RYR3: variants seen among roughly 807,000 people sequenced by gnomAD.
RYR3 encodes ryanodine receptor 3, also known as brain ryanodine receptor-calcium release channel.
In RYR3, 207 loss-of-function variants were observed where a neutral mutation model predicts 584.3. The ratio of observed to expected loss-of-function variants is 0.35; its 90% CI spans 0.32 to 0.40. The LOEUF (loss-of-function observed/expected upper bound fraction) is 0.40, where lower values mean the gene tolerates loss of function less well. Among genes scored for constraint, RYR3 ranks in the 10% least tolerant of loss-of-function variants. The probability of loss-of-function intolerance (pLI) is 1.00; values close to 1 mark genes in which losing one functional copy is unlikely to be tolerated. For missense variants in RYR3, 5,616 were observed against 6,089.2 expected (o/e 0.92, Z 2.59); for synonymous variants, 2,416 against 2,248.5 (o/e 1.07, Z -2.11).
At chr15:33,439,074 TTGTC>T (rs1465554115) in intron 1 of RYR3, among the ~76,000 whole-genome samples, 1 of 152,212 alleles carries the variant, frequency 6.6e-6, no homozygotes, top group Non-Finnish European at 1.5e-5. Flanking sequence ...TTTAATGTAG[TTGTC>T]TGGTTTCCTT....
At chr15:33,334,969 C>T (rs1249493156) in intron 1 of RYR3, among the ~76,000 whole-genome samples, 1 of 152,088 alleles carries the variant, frequency 6.6e-6, no homozygotes, top group East Asian at 1.9e-4. Context: ...AAATCAAAAC[C>T]ACAATGAGAT....
chr15:33,636,348 C>G, intron 26 of RYR3, 28 bp from the exon 27 acceptor site: 1 of 1,609,768 alleles, frequency 6.2e-7, no homozygotes, highest in Non-Finnish European at 8.5e-7. Context: ...GACTCCATTT[C>G]TCTAAGCCCT....
chr15:33,762,283 G>A (rs1288753178), intron 60 of RYR3, among the ~76,000 whole-genome samples: 1 of 152,130 alleles, frequency 6.6e-6, no homozygotes, highest in Non-Finnish European at 1.5e-5. Context: ...AAGAAATAAA[G>A]CGTATTCAAA....
chr15:33,540,823 G>A lies in RYR3; in HGVS notation c.579G>A (p.Val193=), dbSNP rs1424361728. The A allele has an allele frequency of 1.2e-6, 2 of 1,611,900 alleles. No individual in the cohort carries two copies. The highest frequency in any genetic ancestry group is 1.7e-5 in the Admixed American group (1 of 59,960). The part of the protein sequence containing the change: ...HLSVSNGNIQ[V]DASFMQTLWN... ...CAGTATCAAATGGTAACATACAAGT[G>A]GATGCCTCCTTTATGCAAACACTCT... The change falls in exon 7 of 104, where the codon GTG becomes GTA. Residue 193 remains valine (V), a synonymous_variant. Coordinates refer to ENST00000634891, the MANE Select transcript of RYR3 (RefSeq NM_001036.6).
At chr15:33,418,553 G>A (rs1567198146) in intron 1 of RYR3, among the ~76,000 whole-genome samples, 1 of 152,010 alleles carries the variant, frequency 6.6e-6, no homozygotes, top group African/African-American at 2.4e-5. Context: ...AGCAAGAGGA[G>A]GAAAGATGAC....
chr15:33,688,055 A>T (rs1411869753), intron 38 of RYR3, among the ~76,000 whole-genome samples: 1 of 152,172 alleles, frequency 6.6e-6, no homozygotes, highest in African/African-American at 2.4e-5. Flanking sequence ...AAGCCAAAAT[A>T]GACAAATGGG....
chr15:33,539,207 A>G, intron 5 of RYR3, 143 bp from the exon 6 acceptor site: 1 of 598,020 alleles, frequency 1.7e-6, no homozygotes, highest in Admixed American at 2.7e-5. Flanking sequence ...TGGAACGGTT[A>G]GAGACCAACA....
chr15:33,821,153 A>G (rs765678950), intron 78 of RYR3, 117 bp from the exon 79 acceptor site: 4 of 745,494 alleles, frequency 5.4e-6, no homozygotes, highest in Middle Eastern at 6.6e-4. Context: ...GCTTTATCCA[A>G]GTTGATGTGT....
intron 42 of RYR3, among the ~76,000 whole-genome samples, chr15:33,704,409 TGTTAGAAGTTGCTCCTCCAGGCTCTGTAG>T (rs2066536945): frequency 6.6e-6 from 1 of 151,556 alleles, no homozygotes. Flanking sequence ...CAGAGGGAAA[TGTTAGAAGTTGCTCCTCCAGGCTCTGTAG>T]GCCTGTGTTG....
At chr15:33,704,576 T>C (rs17236476) in intron 42 of RYR3, among the ~76,000 whole-genome samples, 8,165 of 152,256 alleles carry the variant, frequency 0.054, 299 homozygotes, top group Middle Eastern at 0.12. Context: ...TCAGCCAAAC[T>C]CTGTTATTCG....
Position 33,838,615 on chromosome 15 carries a change from GCA to G in RYR3, c.12638_12639del (p.Thr4213SerfsTer21), listed in dbSNP as rs1263391945. ...GGAGGAATCTTTCAGATCCTCTGGA[GCA>G]CAGTGTTTGGAGGGGGCCTGGTAGA... On this transcript the variant is annotated frameshift_variant, in exon 89 of 104. Transcript: ENST00000634891. LOFTEE classifies it high-confidence loss of function. The G allele has an allele frequency of 6.2e-7, 1 of 1,613,898 alleles. No homozygotes were observed. The highest frequency in any genetic ancestry group is 8.5e-7 in the Non-Finnish European group (1 of 1,179,854).
At chr15:33,763,892 C>CAAAAAAAAAAAAAAAAAAAAAAA (rs796878162) in intron 60 of RYR3, among the ~76,000 whole-genome samples, 1 of 45,870 alleles carries the variant, frequency 2.2e-5, no homozygotes, top group African/African-American at 9.0e-5. Context: ...GACTTCATCT[C>CAAAAAAAAAAAAAAAAAAAAAAA]AAAAAAAAAA....
At chr15:33,400,167 T>C (rs760286192) in intron 1 of RYR3, among the ~76,000 whole-genome samples, 10 of 152,186 alleles carry the variant, frequency 6.6e-5, no homozygotes, top group Admixed American at 1.3e-4. Flanking sequence ...CACTCAGCCT[T>C]ATATTTGTCA....
chr15:33,430,972 T>C (rs2045094576), intron 1 of RYR3, among the ~76,000 whole-genome samples: 1 of 152,188 alleles, frequency 6.6e-6, no homozygotes, highest in Non-Finnish European at 1.5e-5. Flanking sequence ...TAGGCCCATC[T>C]TACCTATTAC....
intron 1 of RYR3, among the ~76,000 whole-genome samples, chr15:33,385,938 C>A (rs1324937859): frequency 6.6e-6 from 1 of 152,040 alleles, no homozygotes; most frequent in Non-Finnish European, 1.5e-5. Context: ...CTCCTGTGCT[C>A]AAGTGATCCT....
In RYR3 at chr15:33,575,834, T is replaced by TTAAAA. The variant is rs1555535393; in HGVS notation, c.1269-4142_1269-4141insTAAAA. On this transcript the variant is annotated intron_variant, in intron 12 of 103. Coordinates refer to ENST00000634891, the MANE Select transcript of RYR3 (RefSeq NM_001036.6). ...CATCAACAAATACAGGAGCTGGTTTTAAAAAAAAAAAATTAATAAAATAGA... is the reference window on the plus strand; with the variant it reads ...CATCAACAAATACAGGAGCTGGTTTTTAAAAAAAAAAAAAAAATTAATAAAATAGA... 9.2e-4 allele frequency among the ~76,000 whole-genome samples: 133 copies of TTAAAA among 144,584 alleles called. 2 individuals carry two copies. The highest frequency in any genetic ancestry group is 2.7e-3 in the African/African-American group (106 of 39,672). 94.9% of individuals were successfully genotyped at this position (144,584 alleles called of 152,430 possible).
chr15:33,781,191 G>A (rs7164383), intron 65 of RYR3, among the ~76,000 whole-genome samples: 2,810 of 152,296 alleles, frequency 0.018, 98 homozygotes, highest in African/African-American at 0.064. Flanking sequence ...TTGTGATCCT[G>A]CCTAAGGATA....
chr15:33,810,895 G>A lies in RYR3; in HGVS notation c.10198-83G>A, dbSNP rs184390811. 1.6e-3 allele frequency: 2,038 copies of A among 1,235,992 alleles called. 1 individual carries two copies. Among genetic ancestry groups the A allele is most frequent in the Non-Finnish European group, 1.8e-3 (1,540 of 858,244 alleles). The allele number at this position is 1,235,992 out of a possible 1,614,324, so 76.6% of individuals were successfully genotyped here. A position where few individuals can be genotyped will look rare whatever the true frequency, so the allele number is the denominator to read the frequency against. ...GATAAAGATCCCAGTGAAACTGTGCGTTGACTCTCCATACATCCCCATATG... is the reference window on the plus strand; with the variant it reads ...GATAAAGATCCCAGTGAAACTGTGCATTGACTCTCCATACATCCCCATATG... On this transcript the variant is annotated intron_variant, in intron 71 of 103. Coordinates refer to ENST00000634891, the MANE Select transcript of RYR3 (RefSeq NM_001036.6).
At position 33,432,668 on chromosome 15, in the gene RYR3, T is replaced by TG. The variant is rs113646851; in HGVS notation, c.52-40751_52-40750insG. Among the ~76,000 whole-genome samples the TG allele has an allele frequency of 4.4e-3, 586 of 132,196 alleles. 1 individual carries two copies. The highest frequency in any genetic ancestry group is 0.019 in the Middle Eastern group (5 of 270). 86.7% of individuals were successfully genotyped at this position (132,196 alleles called of 152,430 possible). On this transcript the variant is annotated intron_variant, in intron 1 of 103. Transcript: ENST00000634891. ...GGTGCCCACGACCACGCCTAGCTAA[T>TG]TGTGTGTGTGTGTGTGTGTGTGTGT...
Sources: allele counts gnomAD v4.1 joint callset (sites outside exome capture counted in the v4.1 genomes callset), GRCh38; gene constraint gnomAD v4.1.1; transcripts MANE v1.5; gene names NCBI Gene and HGNC (gene_info 2026-07-23, HGNC 2026-07-21).